PTPRR: variants seen among roughly 807,000 people sequenced by gnomAD.
PTPRR encodes the protein protein tyrosine phosphatase receptor type R, also known as receptor-type tyrosine-protein phosphatase R.
A neutral mutation model predicts 77.2 loss-of-function variants in PTPRR; 38 were observed. The observed-to-expected ratio is 0.49, with a 90% CI of 0.38 to 0.65. The LOEUF (loss-of-function observed/expected upper bound fraction) is 0.65. PTPRR is among the 30% of genes least tolerant of loss of function. The pLI is 0.00. For synonymous variants in PTPRR, 299 were observed against 283.1 expected, an observed-to-expected ratio of 1.06 and a Z score of -0.57; for missense variants, 744 against 799.2, an observed-to-expected ratio of 0.93 and a Z score of 0.83.
chr12:70,908,727 C>T (rs1474141262), intron 1 of PTPRR, among the ~76,000 whole-genome samples: 3 of 152,222 alleles, frequency 2.0e-5, no homozygotes, highest in East Asian at 1.9e-4. Context: ...CCTGGTCTCC[C>T]TTGCCTGTGT....
chr12:70,675,091 G>C (rs1401759610), intron 10 of PTPRR, among the ~76,000 whole-genome samples: 2 of 151,934 alleles, frequency 1.3e-5, no homozygotes, highest in East Asian at 3.9e-4. Context: ...ATTCTTTTGA[G>C]AATATTCTTT....
intron 6 of PTPRR, among the ~76,000 whole-genome samples, chr12:70,731,097 GGAGAGAGAGGAAGGAAGGAGGAAGGA>G (rs1289705132): frequency 7.2e-5 from 10 of 138,170 alleles, no homozygotes; most frequent in African/African-American, 2.5e-4. Context: ...GAAGGAGGAA[GGAGAGAGAGGAAGGAAGGAGGAAGGA>G]GAGAGAGAGG....
chr12:70,917,604 C>A (rs942094532), intron 1 of PTPRR, among the ~76,000 whole-genome samples: 1 of 152,114 alleles, frequency 6.6e-6, no homozygotes, highest in African/African-American at 2.4e-5. Context: ...CAGCATGGTA[C>A]CCACTCCTCA....
intron 8 of PTPRR, among the ~76,000 whole-genome samples, chr12:70,697,510 A>G (rs1308302654): frequency 6.6e-6 from 1 of 152,108 alleles, no homozygotes; most frequent in Non-Finnish European, 1.5e-5. Flanking sequence ...CCATTCTATG[A>G]GTTGTCTTTT....
intron 6 of PTPRR, among the ~76,000 whole-genome samples, chr12:70,733,417 C>T (rs1168259883): frequency 1.3e-5 from 1 of 76,230 alleles, no homozygotes; most frequent in East Asian, 2.4e-4. Context: ...AAAATACAAA[C>T]AAACAACAAC....
At chr12:70,758,781 C>T (rs1477606434) in intron 4 of PTPRR, among the ~76,000 whole-genome samples, 2 of 152,198 alleles carry the variant, frequency 1.3e-5, no homozygotes, top group Non-Finnish European at 2.9e-5. Flanking sequence ...TAACTTTATT[C>T]ATAGAACTAT....
At chr12:70,794,180 C>A (rs1377440511) in intron 2 of PTPRR, among the ~76,000 whole-genome samples, 1 of 152,164 alleles carries the variant, frequency 6.6e-6, no homozygotes, top group East Asian at 1.9e-4. Context: ...TAAAAATGTA[C>A]ATGTAATCAC....
chr12:70,760,661 G>A (rs924531941), intron 4 of PTPRR, among the ~76,000 whole-genome samples: 3 of 152,176 alleles, frequency 2.0e-5, no homozygotes, highest in Non-Finnish European at 4.4e-5. Context: ...CTAGATCTTA[G>A]GTGGTGCTTT....
intron 6 of PTPRR, among the ~76,000 whole-genome samples, chr12:70,709,038 C>T (rs1244581457): frequency 1.3e-5 from 2 of 151,970 alleles, no homozygotes; most frequent in African/African-American, 2.4e-5. Context: ...AAACTTCTGG[C>T]CAGTATCCTT....
In PTPRR at chr12:70,805,456, C is replaced by T. The variant is rs147786157; in HGVS notation, c.358-40678G>A. 4.1e-3 allele frequency among the ~76,000 whole-genome samples: 624 copies of T among 152,168 alleles called. 5 individuals carry two copies. The highest frequency in any genetic ancestry group is 0.014 in the African/African-American group (592 of 41,528). On this transcript the variant is annotated intron_variant, in intron 2 of 13. Coordinates refer to ENST00000283228, the MANE Select transcript of PTPRR (RefSeq NM_002849.4). Reference sequence around the variant, plus strand: ...ATGATCCTGGGCTCCTGGGCTTAAGCGATCCTCCCACCTCATCCTCCCAAG... The same window carrying T: ...ATGATCCTGGGCTCCTGGGCTTAAGTGATCCTCCCACCTCATCCTCCCAAG...
At chr12:70,832,561 C>T (rs977264891) in intron 2 of PTPRR, among the ~76,000 whole-genome samples, 24 of 152,064 alleles carry the variant, frequency 1.6e-4, no homozygotes, top group African/African-American at 5.6e-4. Context: ...TTGCATCTTA[C>T]TTGCAGGTGA....
chr12:70,804,391 A>G (rs890198690), intron 2 of PTPRR, among the ~76,000 whole-genome samples: 1 of 151,876 alleles, frequency 6.6e-6, no homozygotes, highest in Non-Finnish European at 1.5e-5. Flanking sequence ...CCCTGTCTCT[A>G]CCAAAAAATA....
intron 6 of PTPRR, among the ~76,000 whole-genome samples, chr12:70,737,572 G>A (rs1224440334): frequency 1.3e-5 from 2 of 151,902 alleles, no homozygotes; most frequent in East Asian, 1.9e-4. Flanking sequence ...CCAGGCTGGA[G>A]TACAGTGGTG....
At chr12:70,782,171 C>T (rs1414399329) in intron 2 of PTPRR, among the ~76,000 whole-genome samples, 1 of 152,050 alleles carries the variant, frequency 6.6e-6, no homozygotes, top group African/African-American at 2.4e-5. Flanking sequence ...AAGTGCTTGC[C>T]TGTTTTCTCA....
intron 4 of PTPRR, among the ~76,000 whole-genome samples, chr12:70,756,517 A>G (rs1392985207): frequency 6.6e-6 from 1 of 152,112 alleles, no homozygotes; most frequent in Non-Finnish European, 1.5e-5. Context: ...CATGCTTTTT[A>G]TATTTTGTCA....
intron 10 of PTPRR, among the ~76,000 whole-genome samples, chr12:70,677,339 A>G (rs940994215): frequency 3.3e-5 from 5 of 152,102 alleles, no homozygotes; most frequent in Admixed American, 3.3e-4. Flanking sequence ...GGTTTTCCAT[A>G]TATATGATCA....
At chr12:70,722,492 A>G (rs1404050102) in intron 6 of PTPRR, among the ~76,000 whole-genome samples, 1 of 152,138 alleles carries the variant, frequency 6.6e-6, no homozygotes, top group African/African-American at 2.4e-5. Flanking sequence ...TTTCTTTTTT[A>G]AGAGTCATAA....
At chr12:70,792,787 CTTG>C (rs1300738178) in intron 2 of PTPRR, among the ~76,000 whole-genome samples, 1 of 152,048 alleles carries the variant, frequency 6.6e-6, no homozygotes, top group African/African-American at 2.4e-5. Flanking sequence ...CTCAAATGAA[CTTG>C]TTGTAACATG....
intron 2 of PTPRR, among the ~76,000 whole-genome samples, chr12:70,866,727 C>G (rs1892857568): frequency 6.6e-6 from 1 of 152,022 alleles, no homozygotes; most frequent in South Asian, 2.1e-4. Flanking sequence ...GAGACACAAC[C>G]AAAAAAGAGA....
Sources: gnomAD v4.1 joint callset for allele counts (sites outside exome capture counted in the v4.1 genomes callset) on GRCh38, gnomAD v4.1.1 for gene constraint, MANE v1.5 for transcripts, NCBI Gene and HGNC (gene_info 2026-07-23, HGNC 2026-07-21) for gene names.